SBNO1: variants seen among roughly 807,000 people sequenced by gnomAD.
SBNO1 encodes protein strawberry notch homolog 1.
In SBNO1, 23 loss-of-function variants were observed where a neutral mutation model predicts 173.6. That is an observed-to-expected ratio of 0.13 (90% CI 0.10 to 0.19). SBNO1 has a LOEUF of 0.19. Ranked by LOEUF, SBNO1 falls within the 10% of genes least tolerant of loss-of-function variation. The pLI is 1.00. For missense variants in SBNO1, 1,238 were observed against 1,671.2 expected (o/e 0.74, Z 4.52); for synonymous variants, 632 against 571.5 (o/e 1.11, Z -1.51).
At chr12:123,328,171 T>G (rs757604924) in intron 10 of SBNO1, 144 bp from the exon 11 acceptor site, 2 of 569,502 alleles carry the variant, frequency 3.5e-6, no homozygotes, top group Admixed American at 6.7e-5. Context: ...CTATGGGCCT[T>G]TCCCCAGTTA....
Position 123,292,904 on chromosome 12 carries a change from G to A in SBNO1, c.*3004C>T, listed in dbSNP as rs530546837. 1 of 152,322 alleles carries A rather than the reference G, an allele frequency of 6.6e-6. No homozygotes were observed. The highest frequency in any genetic ancestry group is 6.5e-5 in the Admixed American group (1 of 15,306). The allele number at this position is 152,322 out of a possible 1,614,324, so 9.4% of individuals were successfully genotyped here. On this transcript the variant is annotated 3_prime_UTR_variant, in exon 32 of 32. Coordinates refer to ENST00000602398, the MANE Select transcript of SBNO1 (RefSeq NM_001167856.3). ...CTCCTATGAATTTGTATCATTGATA[G>A]TGTATCTGGATAATCCCAGTAACTA...
intron 20 of SBNO1, among the ~76,000 whole-genome samples, chr12:123,319,698 T>C (rs924840333): frequency 5.3e-5 from 8 of 151,442 alleles, no homozygotes; most frequent in Non-Finnish European, 1.2e-4. Flanking sequence ...CCTGAGCCAC[T>C]GCACCCAGCC....
intron 1 of SBNO1, among the ~76,000 whole-genome samples, chr12:123,361,168 T>G (rs1379011120): frequency 6.7e-6 from 1 of 149,898 alleles, no homozygotes; most frequent in Non-Finnish European, 1.5e-5. Flanking sequence ...TGCTTGAACC[T>G]GGGAGGTGGA....
At chr12:123,308,441 C>T (rs779319145) in intron 28 of SBNO1, among the ~76,000 whole-genome samples, 25 of 152,118 alleles carry the variant, frequency 1.6e-4, no homozygotes, top group Middle Eastern at 6.8e-3. Context: ...GAGGCCAAGG[C>T]GGGCAGATCA....
At chr12:123,338,065 C>A (rs1473735510) in intron 5 of SBNO1, among the ~76,000 whole-genome samples, 1 of 152,108 alleles carries the variant, frequency 6.6e-6, no homozygotes, top group African/African-American at 2.4e-5. Context: ...AGGGAGACCA[C>A]GGTACCTGGG....
chr12:123,361,769 C>T (rs1375464995), intron 1 of SBNO1, among the ~76,000 whole-genome samples: 3 of 150,040 alleles, frequency 2.0e-5, no homozygotes, highest in African/African-American at 4.9e-5. Context: ...GACATATAAC[C>T]GCATTCAATG....
rs2048529996 is a variant in SBNO1, at chr12:123,292,727, C to G, written c.*3181G>C. 1 of 152,156 alleles carries G rather than the reference C, an allele frequency of 6.6e-6. No individual in the cohort carries two copies. The highest frequency in any genetic ancestry group is 1.5e-5 in the Non-Finnish European group (1 of 68,018). 9.4% of individuals were successfully genotyped at this position (152,156 alleles called of 1,614,324 possible). Reference sequence around the variant, plus strand: ...AAATATATATAGATACATACACACACTACATTGCTTTGGATGCAGGTTCTT... The same window carrying G: ...AAATATATATAGATACATACACACAGTACATTGCTTTGGATGCAGGTTCTT... On this transcript the variant is annotated 3_prime_UTR_variant, in exon 32 of 32. Coordinates refer to ENST00000602398, the MANE Select transcript of SBNO1 (RefSeq NM_001167856.3).
intron 4 of SBNO1, among the ~76,000 whole-genome samples, chr12:123,343,994 G>A (rs1872830281): frequency 6.6e-6 from 1 of 152,054 alleles, no homozygotes; most frequent in African/African-American, 2.4e-5. Context: ...TGTTCAGTCA[G>A]CTCCAAATCT....
At chr12:123,364,064 G>A (rs374530730) in intron 1 of SBNO1, 38 of 985,494 alleles carry the variant, frequency 3.9e-5, no homozygotes, top group African/African-American at 2.4e-4. Flanking sequence ...GGTCTGGGAG[G>A]TGAGCTCGCC....
chr12:123,326,649 G>C lies in SBNO1; in HGVS notation c.1693-315C>G, dbSNP rs1251596870. The stretch of plus-strand genomic sequence containing the variant: ...AAATATAAGAACATTGGTTAGGCCA[G>C]GCGCAGTGGCTGATGCCTGTAATCC... On this transcript the variant is annotated intron_variant, in intron 13 of 31. Coordinates refer to ENST00000602398, the MANE Select transcript of SBNO1 (RefSeq NM_001167856.3). 2.0e-5 allele frequency among the ~76,000 whole-genome samples: 3 copies of C among 152,342 alleles called. No homozygotes were observed. The South Asian group carries it at 6.2e-4, about 32-fold the overall frequency.
chr12:123,328,817 T>A lies in SBNO1; in HGVS notation c.1213A>T (p.Ile405Phe), dbSNP rs771632075. 1 of 1,610,376 alleles carries A rather than the reference T, an allele frequency of 6.2e-7. No individual in the cohort carries two copies. The highest frequency in any genetic ancestry group is 1.1e-5 in the South Asian group (1 of 90,564). Residue 405 changes from isoleucine (I) to phenylalanine (F), a missense_variant, in exon 10 of 32, where the codon ATT becomes TTT. Transcript: ENST00000602398. ...TTGCCGCCAGACTGGCTTTCACCAATAAGTGAAGAGTAAGTAGCAAAAATA... is the reference window on the plus strand; with the variant it reads ...TTGCCGCCAGACTGGCTTTCACCAAAAAGTGAAGAGTAAGTAGCAAAAATA... ...GVIFATYSSL[I>F]GESQSGGKYK...
At chr12:123,355,989 A>G (rs1874418807) in intron 1 of SBNO1, among the ~76,000 whole-genome samples, 1 of 152,168 alleles carries the variant, frequency 6.6e-6, no homozygotes, top group Non-Finnish European at 1.5e-5. Context: ...ACCAACACAG[A>G]AAGTTACCAA....
intron 5 of SBNO1, among the ~76,000 whole-genome samples, chr12:123,338,762 G>A (rs1290238384): frequency 1.3e-5 from 2 of 151,886 alleles, no homozygotes; most frequent in Non-Finnish European, 2.9e-5. Context: ...AATCCCAGCT[G>A]CTCAGGAGGC....
chr12:123,305,287 T>C (rs1250915028), intron 28 of SBNO1, among the ~76,000 whole-genome samples: 1 of 152,238 alleles, frequency 6.6e-6, no homozygotes, highest in Non-Finnish European at 1.5e-5. Flanking sequence ...CCGTCAGTAC[T>C]GCCTTTCCCG....
intron 27 of SBNO1, 27 bp from the exon 28 acceptor site, chr12:123,309,429 C>G (rs979268421): frequency 1.2e-6 from 2 of 1,607,012 alleles, no homozygotes; most frequent in Non-Finnish European, 1.7e-6. Flanking sequence ...GAAATTTAAA[C>G]TCATTTCTGT....
At chr12:123,297,264 A>C (rs1487804854) in intron 31 of SBNO1, among the ~76,000 whole-genome samples, 1 of 128,480 alleles carries the variant, frequency 7.8e-6, no homozygotes, top group African/African-American at 2.9e-5. Flanking sequence ...CGGGAGGCGG[A>C]GGTTGCAGTG....
At chr12:123,299,907 G>C (rs533187298) in intron 30 of SBNO1, among the ~76,000 whole-genome samples, 2 of 152,032 alleles carry the variant, frequency 1.3e-5, no homozygotes, top group South Asian at 4.2e-4. Context: ...AAAGAAGGAG[G>C]GGGGAAGATC....
At position 123,293,188 on chromosome 12, in the gene SBNO1, C is replaced by T. The variant is rs754801449; in HGVS notation, c.*2720G>A. On this transcript the variant is annotated 3_prime_UTR_variant, in exon 32 of 32. Transcript: ENST00000602398. The stretch of plus-strand genomic sequence containing the variant: ...CTGAATTCAGGTGTGGCATTTAGAT[C>T]CTGCAATGAATGGACCTATTTTACA... The T allele has an allele frequency of 1.3e-5, 2 of 152,144 alleles. No individual in the cohort carries two copies. The highest frequency in any genetic ancestry group is 4.8e-5 in the African/African-American group (2 of 41,418). The allele number at this position is 152,144 out of a possible 1,614,324, so 9.4% of individuals were successfully genotyped here. A position where few individuals can be genotyped will look rare whatever the true frequency, so the allele number is the denominator to read the frequency against.
intron 13 of SBNO1, 27 bp downstream of exon 13, chr12:123,327,399 C>T: frequency 6.3e-7 from 1 of 1,588,874 alleles, no homozygotes; most frequent in Admixed American, 1.7e-5. Context: ...ATTAAATAAA[C>T]ACTAGGAATT....
Sources: gnomAD v4.1 joint callset for allele counts (sites outside exome capture counted in the v4.1 genomes callset) on GRCh38, gnomAD v4.1.1 for gene constraint, MANE v1.5 for transcripts, NCBI Gene and HGNC (gene_info 2026-07-23, HGNC 2026-07-21) for gene names.